Variants in PTPRO observed in about 807,000 individuals in gnomAD.
PTPRO encodes receptor-type tyrosine-protein phosphatase O.
A neutral mutation model predicts 145.2 loss-of-function variants in PTPRO; 62 were observed. The observed-to-expected ratio is 0.43, with a 90% confidence interval of 0.35 to 0.53. The LOEUF (loss-of-function observed/expected upper bound fraction) is 0.53, where lower values mean the gene tolerates loss of function less well. Ranked by LOEUF, PTPRO falls within the 20% of genes least tolerant of loss-of-function variation. PTPRO has a pLI of 0.01. For missense variants in PTPRO, 1,345 were observed against 1,482.7 expected (o/e 0.91, Z 1.53); for synonymous variants, 565 against 514.7 (o/e 1.10, Z -1.32).
chr12:15,445,745 A>G (rs1345878504), intron 1 of PTPRO, among the ~76,000 whole-genome samples: 1 of 152,152 alleles, frequency 6.6e-6, no homozygotes, highest in African/African-American at 2.4e-5. Flanking sequence ...AAATGAATCA[A>G]CTTAAATTGA....
At chr12:15,451,340 A>G (rs1202788707) in intron 1 of PTPRO, among the ~76,000 whole-genome samples, 1 of 152,174 alleles carries the variant, frequency 6.6e-6, no homozygotes, top group Non-Finnish European at 1.5e-5. Context: ...TCCCAAATTT[A>G]TAAAACAATT....
In PTPRO at chr12:15,440,281, C is replaced by T. The variant is rs190729005; in HGVS notation, c.76-43693C>T. The T allele has an allele frequency of 1.6e-3, 947 of 586,130 alleles. 1 individual carries two copies. Among genetic ancestry groups the T allele is most frequent in the Middle Eastern group, 3.0e-3 (6 of 2,012 alleles). 36.3% of individuals were successfully genotyped at this position (586,130 alleles called of 1,614,324 possible). On this transcript the variant is annotated intron_variant, in intron 1 of 26. Transcript: ENST00000281171. ...CTAAGACCTACAGCTACCTGACCCC[C>T]AACCTCCGGAAGGAGACTGTATTCA...
intron 1 of PTPRO, among the ~76,000 whole-genome samples, chr12:15,368,084 C>T (rs886783258): frequency 2.0e-5 from 3 of 152,178 alleles, no homozygotes; most frequent in African/African-American, 7.2e-5. Flanking sequence ...GGGGAAATGT[C>T]ACTACAATAA....
At chr12:15,488,213 A>T (rs1054651049) in intron 2 of PTPRO, among the ~76,000 whole-genome samples, 1 of 152,198 alleles carries the variant, frequency 6.6e-6, no homozygotes, top group African/African-American at 2.4e-5. Context: ...ATTTCCAAAG[A>T]GTAAAATTAA....
intron 21 of PTPRO, 55 bp downstream of exon 21, chr12:15,580,170 A>C: frequency 7.3e-7 from 1 of 1,365,196 alleles, no homozygotes; most frequent in Non-Finnish European, 1.0e-6. Context: ...GAGAAAGACT[A>C]GCAGGGCTAT....
chr12:15,439,786 CA>C, intron 1 of PTPRO: 1 of 606,274 alleles, frequency 1.6e-6, no homozygotes. Context: ...CCCTGCCCAT[CA>C]AAGAATCAGA....
rs570839503 is a variant in PTPRO, at chr12:15,322,998, G to C, written c.75+197G>C. Among the ~76,000 whole-genome samples the C allele has an allele frequency of 6.6e-6, 1 of 152,232 alleles. No homozygotes were observed. The highest frequency in any genetic ancestry group is 2.4e-5 in the African/African-American group (1 of 41,466). ...CTGGTGGTCTTGAGAGGTAGGGGGC[G>C]GGGGGAAGAATAAGGGAAGTTTGCT... On this transcript the variant is annotated intron_variant, in intron 1 of 26. Transcript: ENST00000281171. This position sits in a 1 kb window ranked among gnomAD's most constrained non-coding sequence, Gnocchi z 6.3.
chr12:15,558,636 AAT>A (rs1052104094), intron 16 of PTPRO, among the ~76,000 whole-genome samples: 10 of 152,224 alleles, frequency 6.6e-5, no homozygotes, highest in Non-Finnish European at 1.0e-4. Context: ...TATGTAAATG[AAT>A]ATATGTCATA....
chr12:15,456,461 G>A (rs1466928229), intron 1 of PTPRO, among the ~76,000 whole-genome samples: 3 of 152,222 alleles, frequency 2.0e-5, no homozygotes, highest in East Asian at 3.9e-4. Flanking sequence ...TTTGGCATTG[G>A]TATCAGAGCC....
At position 15,484,027 on chromosome 12, in the gene PTPRO, A is replaced by G; in HGVS notation, c.129A>G (p.Ser43=). The change falls in exon 2 of 27, where the codon TCA becomes TCG. Residue 43 remains serine (S), a synonymous_variant. Transcript: ENST00000281171. ...AAGATGATAATAACATCGTTGTCTC[A>G]TTAGAAGCTTCAGACGTCATCAGTC... ...TVQDDNNIVV[S]LEASDVISPA... is the part of the protein sequence containing the mutation. The G allele has an allele frequency of 5.6e-6, 9 of 1,613,696 alleles. No individual in the cohort carries two copies. The highest frequency in any genetic ancestry group is 7.6e-6 in the Non-Finnish European group (9 of 1,179,646).
At chr12:15,497,588 A>G (rs1942133745) in intron 3 of PTPRO, among the ~76,000 whole-genome samples, 185 bp downstream of exon 3, 1 of 152,248 alleles carries the variant, frequency 6.6e-6, no homozygotes, top group Non-Finnish European at 1.5e-5. Flanking sequence ...CATCTGGTTC[A>G]TTACTTGAGA....
chr12:15,409,561 A>C (rs1180347713), intron 1 of PTPRO, among the ~76,000 whole-genome samples: 1 of 152,168 alleles, frequency 6.6e-6, no homozygotes, highest in East Asian at 1.9e-4. Flanking sequence ...GAAATGCCTG[A>C]TACTGGATAA....
chr12:15,569,575 T>C (rs1312257891), intron 19 of PTPRO, 77 bp downstream of exon 19: 2 of 1,306,890 alleles, frequency 1.5e-6, no homozygotes, highest in African/African-American at 2.9e-5. Context: ...TGCGGTCATG[T>C]CCCTGCTCAC....
At chr12:15,569,749 T>C (rs1190590989) in intron 19 of PTPRO, among the ~76,000 whole-genome samples, 1 of 152,168 alleles carries the variant, frequency 6.6e-6, no homozygotes, top group Non-Finnish European at 1.5e-5. Context: ...AACATGGGTA[T>C]AGTAGAAGCC....
chr12:15,330,060 A>C (rs1012881002), intron 1 of PTPRO, among the ~76,000 whole-genome samples: 6 of 152,198 alleles, frequency 3.9e-5, no homozygotes, highest in African/African-American at 1.4e-4. Flanking sequence ...AGCCAGAAAG[A>C]AGGATCTCTG....
chr12:15,341,823 G>C (rs1429617114), intron 1 of PTPRO, among the ~76,000 whole-genome samples: 1 of 152,168 alleles, frequency 6.6e-6, no homozygotes, highest in East Asian at 1.9e-4. Context: ...TGTCAATAGA[G>C]CAAAGCAGCA....
At chr12:15,473,262 G>A (rs901694805) in intron 1 of PTPRO, among the ~76,000 whole-genome samples, 5 of 152,142 alleles carry the variant, frequency 3.3e-5, no homozygotes, top group Admixed American at 6.5e-5. Context: ...TACAGAGTGA[G>A]CTCCTAGAGT....
chr12:15,333,020 C>G (rs1231508684), intron 1 of PTPRO, among the ~76,000 whole-genome samples: 1 of 152,184 alleles, frequency 6.6e-6, no homozygotes, highest in East Asian at 1.9e-4. Flanking sequence ...CCTGAGTTTT[C>G]TGCCTATTGC....
At chr12:15,446,792 A>G (rs1407712028) in intron 1 of PTPRO, among the ~76,000 whole-genome samples, 1 of 151,514 alleles carries the variant, frequency 6.6e-6, no homozygotes. Context: ...TTTTATTTAT[A>G]TAAAATAAAA....
Sources: allele counts gnomAD v4.1 joint callset (sites outside exome capture counted in the v4.1 genomes callset), GRCh38; gene constraint gnomAD v4.1.1; non-coding constraint Gnocchi (gnomAD v3.1); transcripts MANE v1.5; gene names NCBI Gene and HGNC (gene_info 2026-07-23, HGNC 2026-07-21).